TNS1: variants seen among roughly 807,000 people sequenced by gnomAD.
The protein encoded by TNS1 is tensin-1.
A neutral mutation model predicts 168.6 loss-of-function variants in TNS1; 62 were observed. The observed-to-expected ratio is 0.37, with a 90% confidence interval of 0.30 to 0.45. TNS1 has a LOEUF of 0.45. TNS1 is among the 20% of genes least tolerant of loss of function. The pLI, the probability that TNS1 is intolerant of heterozygous loss-of-function variation, is 1.00. For missense variants in TNS1, 2,240 were observed against 2,339.4 expected, an observed-to-expected ratio of 0.96 and a Z score of 0.88; for synonymous variants, 934 against 933.2, an observed-to-expected ratio of 1.00 and a Z score of -0.02.
At chr2:217,814,541 C>G (rs1941557110) in intron 25 of TNS1, among the ~76,000 whole-genome samples, 2 of 152,326 alleles carry the variant, frequency 1.3e-5, no homozygotes, top group Non-Finnish European at 2.9e-5. Flanking sequence ...CCACACCCAG[C>G]CTTCCCCTGA....
intron 18 of TNS1, chr2:217,859,724 A>C: frequency 6.6e-7 from 1 of 1,523,340 alleles, no homozygotes; most frequent in Non-Finnish European, 8.8e-7. Flanking sequence ...TGAATAGCAG[A>C]GTATCACTTT....
rs765857356 is a variant in TNS1, at chr2:217,818,402, GGCA to G, written c.3927_3929del (p.Ala1310del). 1 of 1,614,168 alleles carries G rather than the reference GGCA, an allele frequency of 6.2e-7. No individual in the cohort carries two copies. The highest frequency in any genetic ancestry group is 1.1e-5 in the South Asian group (1 of 91,078). On this transcript the variant is annotated inframe_deletion, in exon 24 of 33. Transcript: ENST00000682258. Reference sequence around the variant, plus strand: ...GATGGCTCAAACTGGGACTGCTGGGGGCAGCCATGCTGGGATTGATGGCCCGCC... The same window carrying G: ...GATGGCTCAAACTGGGACTGCTGGGGGCCATGCTGGGATTGATGGCCCGCC...
intron 18 of TNS1, among the ~76,000 whole-genome samples, chr2:217,860,527 G>A (rs934038714): frequency 1.3e-5 from 2 of 152,010 alleles, no homozygotes; most frequent in Admixed American, 6.6e-5. Context: ...AACAAACCTC[G>A]GGCTCTTGAA....
intron 3 of TNS1, among the ~76,000 whole-genome samples, chr2:217,943,215 A>G (rs899455395): frequency 1.3e-5 from 2 of 152,182 alleles, no homozygotes; most frequent in Non-Finnish European, 2.9e-5. Context: ...CACTTCTGCC[A>G]GTCTGTGCCC....
chr2:217,952,628 T>C (rs1333081502), intron 3 of TNS1, among the ~76,000 whole-genome samples: 1 of 152,178 alleles, frequency 6.6e-6, no homozygotes, highest in Non-Finnish European at 1.5e-5. Context: ...CTCCAGACTT[T>C]CAGCTTGTTC....
chr2:217,920,269 A>C (rs933892988), intron 3 of TNS1, 33 bp from the exon 4 acceptor site: 2 of 702,964 alleles, frequency 2.8e-6, no homozygotes, highest in Admixed American at 4.0e-5. Context: ...GCAGGTGAGC[A>C]TATCTTGTCT....
chr2:217,971,618 G>C (rs1032072223), intron 3 of TNS1, among the ~76,000 whole-genome samples: 2 of 152,234 alleles, frequency 1.3e-5, no homozygotes, highest in East Asian at 3.8e-4. Flanking sequence ...CATACAGCAA[G>C]TGTATGTTGG....
Position 217,814,937 on chromosome 2 carries a change from G to A in TNS1, c.4704C>T (p.Tyr1568=), listed in dbSNP as rs764441205. 2 of 1,613,574 alleles carry A rather than the reference G, an allele frequency of 1.2e-6. No individual in the cohort carries two copies. Among genetic ancestry groups the A allele is most frequent in the South Asian group, 1.1e-5 (1 of 90,816 alleles). Residue 1568 remains tyrosine, a synonymous_variant, in exon 25 of 33, where the codon TAC becomes TAT. Coordinates refer to ENST00000682258, the MANE Select transcript of TNS1 (RefSeq NM_001387777.1). ...KFVQDTSKYW[Y]KPEISREQAI... ...CCTGCTCCCTGGAGATCTCAGGCTT[G>A]TACCAATACTTAGAAGTGTCCTGGA...
chr2:217,881,160 G>A (rs566830580), intron 17 of TNS1, 146 bp from the exon 18 acceptor site: 62 of 621,178 alleles, frequency 1.0e-4, no homozygotes, highest in African/African-American at 5.5e-5. Context: ...CGTGGTGGGC[G>A]GGACCAGTGG....
chr2:218,003,008 G>T, upstream of TNS1: 1 of 443,502 alleles, frequency 2.3e-6, no homozygotes, highest in South Asian at 1.6e-5. Flanking sequence ...TGGGCCTCTC[G>T]CCCTGCTGCC....
intron 30 of TNS1, among the ~76,000 whole-genome samples, chr2:217,809,551 G>C (rs1940346966): frequency 1.0e-5 from 1 of 97,236 alleles, no homozygotes; most frequent in African/African-American, 5.3e-5. Context: ...ATGGATGGAT[G>C]GATGGATGGA....
intron 18 of TNS1, chr2:217,859,592 G>A (rs1185476102): frequency 6.7e-7 from 1 of 1,498,462 alleles, no homozygotes; most frequent in East Asian, 2.5e-5. Flanking sequence ...TGACATTTTG[G>A]AGGGCCTAAC....
At chr2:218,019,006 A>G (rs986835817) in intron 1 of TNS1, among the ~76,000 whole-genome samples, 3 of 149,944 alleles carry the variant, frequency 2.0e-5, no homozygotes, top group Non-Finnish European at 4.5e-5. Context: ...GACCCTGGGA[A>G]GTGGAGGTTG....
chr2:217,950,978 T>G (rs925627161), intron 3 of TNS1, among the ~76,000 whole-genome samples: 2 of 152,114 alleles, frequency 1.3e-5, no homozygotes, highest in African/African-American at 4.8e-5. Context: ...TTTTTAGTGA[T>G]GTAGCACTTT....
At chr2:217,823,140 G>A (rs1943131525) in intron 22 of TNS1, among the ~76,000 whole-genome samples, 1 of 152,164 alleles carries the variant, frequency 6.6e-6, no homozygotes, top group Admixed American at 6.5e-5. Context: ...GTCTCCTCCA[G>A]AAGACAATGC....
chr2:217,882,489 A>C, intron 16 of TNS1, 78 bp from the exon 17 acceptor site: 1 of 874,590 alleles, frequency 1.1e-6, no homozygotes, highest in Non-Finnish European at 1.8e-6. Flanking sequence ...TTCTAGAAAA[A>C]ATTAAAATAC....
rs557590067 is a variant in TNS1, at chr2:217,811,469, G to A, written c.5032+899C>T. Among the ~76,000 whole-genome samples, 12 of 152,252 alleles carry A rather than the reference G, an allele frequency of 7.9e-5. 1 individual carries two copies. The South Asian group carries it at 8.3e-4, about 11-fold the overall frequency. The stretch of plus-strand genomic sequence containing the variant: ...GTAGAAATTGTCCAAAAATACTGGC[G>A]GTGTTATGTGTGGGCATAGCCCCAG... On this transcript the variant is annotated intron_variant, in intron 28 of 32. Transcript: ENST00000682258.
In TNS1 at chr2:217,897,885, G is replaced by T; in HGVS notation, c.456C>A (p.Phe152Leu). Reference sequence around the variant, plus strand: ...AGTTCTCCTCATTGGCTGTGCTGGGGAAGGAGACAGCGATGATCCTCTCTG... The same window carrying T: ...AGTTCTCCTCATTGGCTGTGCTGGGTAAGGAGACAGCGATGATCCTCTCTG... ...YVTERIIAVS[F>L]PSTANEENFR... The change falls in exon 8 of 33, where the codon TTC becomes TTA. Residue 152 changes from phenylalanine to leucine, a missense_variant. Coordinates refer to ENST00000682258, the MANE Select transcript of TNS1 (RefSeq NM_001387777.1). The T allele has an allele frequency of 6.2e-7, 1 of 1,613,758 alleles. No homozygotes were observed.
chr2:217,981,917 G>T (rs1412526632), intron 2 of TNS1, among the ~76,000 whole-genome samples: 5 of 152,200 alleles, frequency 3.3e-5, no homozygotes, highest in Non-Finnish European at 7.3e-5. Context: ...AGCCTTGCAG[G>T]TAGCTGCCAA....
Sources: allele counts gnomAD v4.1 joint callset (sites outside exome capture counted in the v4.1 genomes callset), GRCh38; gene constraint gnomAD v4.1.1; transcripts MANE v1.5; gene names NCBI Gene and HGNC (gene_info 2026-07-23, HGNC 2026-07-21).